The following CHST9 variants were observed in gnomAD, a reference collection of about 807,000 sequenced individuals.
CHST9 encodes carbohydrate sulfotransferase 9.
In CHST9, 41 loss-of-function variants were observed where a neutral mutation model predicts 44.4. The ratio of observed to expected loss-of-function variants is 0.92; its 90% CI spans 0.72 to 1.20. CHST9 has a LOEUF of 1.20. Among genes scored for constraint, CHST9 ranks in the 50% most tolerant of loss-of-function variants. The pLI is 0.00. For missense variants in CHST9, 504 were observed against 516.5 expected (o/e 0.98, Z 0.23); for synonymous variants, 171 against 178.4 (o/e 0.96, Z 0.33).
chr18:27,095,502 G>T (rs138502391), intron 2 of CHST9, among the ~76,000 whole-genome samples: 1 of 152,010 alleles, frequency 6.6e-6, no homozygotes, highest in Non-Finnish European at 1.5e-5. Context: ...TGAAAAGTTC[G>T]ATGAAAAAAC....
chr18:27,163,012 G>A (rs2058760490), intron 1 of CHST9, among the ~76,000 whole-genome samples: 1 of 152,126 alleles, frequency 6.6e-6, no homozygotes, highest in African/African-American at 2.4e-5. Flanking sequence ...CTTTCTGTTT[G>A]TTAGTTTTCC....
At chr18:26,964,123 GTTGGACAACA>G (rs1292314253) in intron 4 of CHST9, among the ~76,000 whole-genome samples, 1 of 152,204 alleles carries the variant, frequency 6.6e-6, no homozygotes, top group Non-Finnish European at 1.5e-5. Context: ...GCTAACACAA[GTTGGACAACA>G]TTTATTAACG....
intron 4 of CHST9, among the ~76,000 whole-genome samples, chr18:26,992,770 T>A (rs943562369): frequency 6.6e-6 from 1 of 152,152 alleles, no homozygotes; most frequent in Non-Finnish European, 1.5e-5. Flanking sequence ...ACAATAGCAT[T>A]TTTTTCTTGA....
chr18:26,967,031 G>A (rs1009485965), intron 4 of CHST9, among the ~76,000 whole-genome samples: 2 of 152,022 alleles, frequency 1.3e-5, no homozygotes, highest in African/African-American at 4.8e-5. Context: ...GCTTTTTGGG[G>A]GATGGGTCAA....
At chr18:27,098,196 A>G (rs540327404) in intron 2 of CHST9, among the ~76,000 whole-genome samples, 40 of 151,300 alleles carry the variant, frequency 2.6e-4, no homozygotes, top group Non-Finnish European at 4.7e-4. Flanking sequence ...GCGAAAAAAC[A>G]TTAAAAAAAA....
intron 1 of CHST9, among the ~76,000 whole-genome samples, chr18:27,182,374 A>G (rs2058919320): frequency 6.6e-6 from 1 of 152,230 alleles, no homozygotes; most frequent in African/African-American, 2.4e-5. Context: ...AAAGAGCAGT[A>G]TAGAACACTG....
Position 27,155,483 on chromosome 18 carries a change from G to C in CHST9, c.-96-12578C>G, listed in dbSNP as rs867796349. On this transcript the variant is annotated intron_variant, in intron 1 of 5. Transcript: ENST00000618847. ...AATGTGGCAAAGCCAGAATGAGTAAGATTTAATACCTGATCTTCATTAGAG... is the reference window on the plus strand; with the variant it reads ...AATGTGGCAAAGCCAGAATGAGTAACATTTAATACCTGATCTTCATTAGAG... Among the ~76,000 whole-genome samples the C allele has an allele frequency of 2.6e-5, 4 of 152,278 alleles. 1 individual carries two copies. The Middle Eastern group carries it at 0.01, about 388-fold the overall frequency.
At chr18:27,024,839 T>C (rs1261210518) in intron 3 of CHST9, among the ~76,000 whole-genome samples, 1 of 152,022 alleles carries the variant, frequency 6.6e-6, no homozygotes, top group Non-Finnish European at 1.5e-5. Flanking sequence ...GAACGGGTGA[T>C]TTTTCATGGT....
intron 1 of CHST9, among the ~76,000 whole-genome samples, chr18:27,180,842 C>G (rs1171213006): frequency 6.6e-6 from 1 of 152,104 alleles, no homozygotes; most frequent in Non-Finnish European, 1.5e-5. Flanking sequence ...AAACGGATTC[C>G]TTTAATAAGT....
chr18:27,151,024 T>C (rs761641683), intron 1 of CHST9, among the ~76,000 whole-genome samples: 82 of 152,154 alleles, frequency 5.4e-4, no homozygotes, highest in Non-Finnish European at 9.9e-4. Flanking sequence ...TTATGGGCCT[T>C]GGTTTATTTA....
At chr18:27,088,275 A>C (rs556038563) in intron 2 of CHST9, among the ~76,000 whole-genome samples, 1 of 152,154 alleles carries the variant, frequency 6.6e-6, no homozygotes, top group Non-Finnish European at 1.5e-5. Context: ...ACTACCAAGA[A>C]AAGTCTTCTT....
At chr18:26,958,197 C>T (rs1386690426) in intron 4 of CHST9, among the ~76,000 whole-genome samples, 1 of 151,922 alleles carries the variant, frequency 6.6e-6, no homozygotes, top group Non-Finnish European at 1.5e-5. Context: ...TCAGACATTT[C>T]TAGTCTTGAC....
intron 4 of CHST9, among the ~76,000 whole-genome samples, chr18:26,961,914 G>T (rs1568110863): frequency 1.3e-5 from 2 of 152,142 alleles, no homozygotes; most frequent in Non-Finnish European, 2.9e-5. Context: ...TGAAAGTCTA[G>T]TTTGTGTTGG....
intron 2 of CHST9, among the ~76,000 whole-genome samples, chr18:27,061,264 A>C (rs1825606): frequency 6.6e-6 from 1 of 152,200 alleles, no homozygotes; most frequent in African/African-American, 2.4e-5. Context: ...TGTGTTATTT[A>C]ACCTTTTTGG....
chr18:27,025,733 G>C (rs1029808339), intron 3 of CHST9, among the ~76,000 whole-genome samples: 6 of 152,074 alleles, frequency 3.9e-5, no homozygotes, highest in African/African-American at 1.4e-4. Context: ...GTAATGCATT[G>C]CTCCCACCCA....
chr18:27,073,225 C>G (rs8089087), intron 2 of CHST9, among the ~76,000 whole-genome samples: 1 of 151,956 alleles, frequency 6.6e-6, no homozygotes, highest in South Asian at 2.1e-4. Context: ...AAGAGCAGAG[C>G]GTATGTTCTG....
chr18:27,094,640 A>C (rs1206488128), intron 2 of CHST9, among the ~76,000 whole-genome samples: 5 of 152,216 alleles, frequency 3.3e-5, no homozygotes, highest in African/African-American at 4.8e-5. Context: ...AACTTGGAGA[A>C]AAAGCAATGG....
intron 3 of CHST9, among the ~76,000 whole-genome samples, chr18:27,026,402 A>G (rs553049115): frequency 6.6e-6 from 1 of 152,164 alleles, no homozygotes; most frequent in Non-Finnish European, 1.5e-5. Flanking sequence ...TATTGAATTA[A>G]CCTAAATTTC....
At chr18:26,951,969 G>T (rs1395784962) in intron 4 of CHST9, among the ~76,000 whole-genome samples, 1 of 152,170 alleles carries the variant, frequency 6.6e-6, no homozygotes, top group African/African-American at 2.4e-5. Flanking sequence ...AACTGGAGCT[G>T]TGCTACTTTG....
Sources: gnomAD v4.1 joint callset for allele counts (sites outside exome capture counted in the v4.1 genomes callset) on GRCh38, gnomAD v4.1.1 for gene constraint, MANE v1.5 for transcripts, NCBI Gene and HGNC (gene_info 2026-07-23, HGNC 2026-07-21) for gene names.